Variants in TRIM33 observed in about 807,000 individuals in gnomAD.
The protein encoded by TRIM33 is E3 ubiquitin-protein ligase TRIM33.
A neutral mutation model predicts 125.4 loss-of-function variants in TRIM33; 20 were observed. That is an observed-to-expected ratio of 0.16 (90% confidence interval 0.11 to 0.23). The LOEUF (loss-of-function observed/expected upper bound fraction) is 0.23, where lower values mean the gene tolerates loss of function less well. Ranked by LOEUF, TRIM33 falls within the 10% of genes least tolerant of loss-of-function variation. TRIM33 has a pLI of 1.00. For missense variants in TRIM33, 920 were observed against 1,411.4 expected, an observed-to-expected ratio of 0.65 and a Z score of 5.58; for synonymous variants, 564 against 513.9, an observed-to-expected ratio of 1.10 and a Z score of -1.32.
chr1:114,486,439 T>A (rs1570648262), intron 1 of TRIM33, among the ~76,000 whole-genome samples: 1 of 149,868 alleles, frequency 6.7e-6, no homozygotes, highest in East Asian at 2.0e-4. Flanking sequence ...CTGACCAACA[T>A]GGAGAAACTC....
chr1:114,394,954 T>TA lies in TRIM33; in HGVS notation c.*2693dup, dbSNP rs1397150364. ...GGACTTTTCTCCAAATCTTCTAAAA[T>TA]ACTGCCATTTAAAAAACAAATACAA... On this transcript the variant is annotated 3_prime_UTR_variant, in exon 20 of 20. Coordinates refer to ENST00000358465, the MANE Select transcript of TRIM33 (RefSeq NM_015906.4). 1 of 195,532 alleles carries TA rather than the reference T, an allele frequency of 5.1e-6. No individual in the cohort carries two copies. Among genetic ancestry groups the TA allele is most frequent in the African/African-American group, 2.3e-5 (1 of 43,212 alleles). The allele number at this position is 195,532 out of a possible 1,614,324, so 12.1% of individuals were successfully genotyped here.
At chr1:114,442,687 C>CAAAAAAAAAA (rs34847018) in intron 4 of TRIM33, among the ~76,000 whole-genome samples, 124 of 72,692 alleles carry the variant, frequency 1.7e-3, no homozygotes, top group East Asian at 3.9e-3. Context: ...GACTCTGTCT[C>CAAAAAAAAAA]AAAAAAAAAA....
chr1:114,484,055 AT>A (rs1651520862), intron 1 of TRIM33, among the ~76,000 whole-genome samples: 2 of 152,196 alleles, frequency 1.3e-5, no homozygotes. Context: ...TCAAGAAAAG[AT>A]GTTAAGCAGG....
chr1:114,476,476 C>A (rs1174176309), intron 1 of TRIM33, among the ~76,000 whole-genome samples: 1 of 151,860 alleles, frequency 6.6e-6, no homozygotes, highest in Non-Finnish European at 1.5e-5. Flanking sequence ...AAACTTAGTT[C>A]TTTCCTTGAC....
At chr1:114,416,513 G>C (rs1421205354) in intron 11 of TRIM33, among the ~76,000 whole-genome samples, 1 of 151,960 alleles carries the variant, frequency 6.6e-6, no homozygotes, top group Non-Finnish European at 1.5e-5. Flanking sequence ...ATTCTATTTT[G>C]TATAACAACT....
intron 15 of TRIM33, chr1:114,405,025 T>C (rs937850932): frequency 6.3e-6 from 1 of 157,926 alleles, no homozygotes; most frequent in African/African-American, 2.4e-5. Context: ...ACTACAGCTC[T>C]GCTAAACCAA....
intron 1 of TRIM33, among the ~76,000 whole-genome samples, chr1:114,508,419 T>G (rs967280516): frequency 2.0e-5 from 3 of 152,154 alleles, no homozygotes; most frequent in Non-Finnish European, 4.4e-5. Flanking sequence ...ACAAGAACAC[T>G]GAATCCTATG....
At chr1:114,407,241 G>T in intron 13 of TRIM33, 141 bp from the exon 14 acceptor site, 1 of 705,358 alleles carries the variant, frequency 1.4e-6, no homozygotes, top group Non-Finnish European at 2.3e-6. Flanking sequence ...TCATAATGTA[G>T]TTAAGGGGAA....
intron 11 of TRIM33, among the ~76,000 whole-genome samples, chr1:114,412,470 T>C (rs1432982504): frequency 6.6e-6 from 1 of 152,190 alleles, no homozygotes; most frequent in Non-Finnish European, 1.5e-5. Context: ...TCAAGAATAG[T>C]GAACAGATCA....
intron 18 of TRIM33, among the ~76,000 whole-genome samples, chr1:114,398,819 A>T (rs1651694432): frequency 1.3e-5 from 2 of 150,968 alleles, no homozygotes; most frequent in Admixed American, 1.3e-4. Context: ...AATCGATTTT[A>T]TCCCTAATAA....
chr1:114,484,269 A>G (rs912531723), intron 1 of TRIM33, among the ~76,000 whole-genome samples: 4 of 152,186 alleles, frequency 2.6e-5, no homozygotes, highest in African/African-American at 9.6e-5. Context: ...ATTCTTTTAT[A>G]CTGTTTGAAA....
At chr1:114,411,627 T>C (rs1268446730) in intron 11 of TRIM33, among the ~76,000 whole-genome samples, 1 of 152,228 alleles carries the variant, frequency 6.6e-6, no homozygotes, top group African/African-American at 2.4e-5. Context: ...ATGTTACCTA[T>C]TTCCACTCCT....
At chr1:114,418,196 A>C (rs1653054320) in intron 11 of TRIM33, among the ~76,000 whole-genome samples, 1 of 152,210 alleles carries the variant, frequency 6.6e-6, no homozygotes, top group South Asian at 2.1e-4. Flanking sequence ...GAGTGAGTGC[A>C]GAGGAAACTG....
In TRIM33 at chr1:114,427,279, G is replaced by A. The variant is rs918739726; in HGVS notation, c.1318C>T (p.Arg440Cys). The A allele has an allele frequency of 1.9e-6, 3 of 1,570,778 alleles. No homozygotes were observed. Among genetic ancestry groups the A allele is most frequent in the South Asian group, 1.2e-5 (1 of 85,180 alleles). The change falls in exon 8 of 20, where the codon CGT becomes TGT. Residue 440 changes from arginine to cysteine, a missense_variant. By Grantham distance (180) the Arg-to-Cys change is radical (BLOSUM62 -3). Transcript: ENST00000358465. The stretch of plus-strand genomic sequence containing the variant: ...TCACACCGTGCTTTCAAAATATGAC[G>A]CAACTGGAAAGTAATCTTAAAGGGA... ...YSKRLITFQL[R>C]HILKARCDPV...
At chr1:114,493,883 G>A (rs1303273019) in intron 1 of TRIM33, among the ~76,000 whole-genome samples, 1 of 152,162 alleles carries the variant, frequency 6.6e-6, no homozygotes, top group African/African-American at 2.4e-5. Flanking sequence ...CTGGAGTGCA[G>A]TGGCACGATC....
chr1:114,405,347 T>C (rs1420987535), intron 15 of TRIM33, 63 bp downstream of exon 15: 16 of 1,312,830 alleles, frequency 1.2e-5, no homozygotes, highest in Non-Finnish European at 1.7e-5. Context: ...CCCTGAACAT[T>C]CTTCTGTTAT....
chr1:114,492,087 C>G (rs6537833), intron 1 of TRIM33, among the ~76,000 whole-genome samples: 53,517 of 151,966 alleles, frequency 0.35, 10,094 homozygotes, highest in African/African-American at 0.46. Flanking sequence ...CTCCCAGTTT[C>G]ACCTCAGCTG....
rs1259688314 is a variant in TRIM33 at position 114,397,045 on chromosome 1, A to G, written c.*603T>C. Reference sequence around the variant, plus strand: ...CCTAAACCCTAAGTATGAGTAGAAAATAAAACCATTGCTGAGTTCTTTATA... The same window carrying G: ...CCTAAACCCTAAGTATGAGTAGAAAGTAAAACCATTGCTGAGTTCTTTATA... On this transcript the variant is annotated 3_prime_UTR_variant, in exon 20 of 20. Coordinates refer to ENST00000358465, the MANE Select transcript of TRIM33 (RefSeq NM_015906.4). 7 of 220,684 alleles carry G rather than the reference A, an allele frequency of 3.2e-5. No homozygotes were observed. The Admixed American group carries it at 4.0e-4, about 13-fold the overall frequency. 13.7% of individuals were successfully genotyped at this position (220,684 alleles called of 1,614,324 possible).
rs372088781 is a variant in TRIM33 at position 114,394,879 on chromosome 1, AT to A, written c.*2768del. The A allele has an allele frequency of 3.1e-5, 6 of 193,450 alleles. No homozygotes were observed. Among genetic ancestry groups the A allele is most frequent in the African/African-American group, 1.4e-4 (6 of 43,126 alleles). The allele number at this position is 193,450 out of a possible 1,614,324, so 12.0% of individuals were successfully genotyped here. On this transcript the variant is annotated 3_prime_UTR_variant, in exon 20 of 20. Coordinates refer to ENST00000358465, the MANE Select transcript of TRIM33 (RefSeq NM_015906.4). ...CTTAGTTTTCTGATGGAAGAAGTAA[AT>A]TGAAGTACAGCAAAAACTTTAAAAG...
Sources: allele counts gnomAD v4.1 joint callset (sites outside exome capture counted in the v4.1 genomes callset), GRCh38; gene constraint gnomAD v4.1.1; transcripts MANE v1.5; gene names NCBI Gene and HGNC (gene_info 2026-07-23, HGNC 2026-07-21).